Variants in RIPOR3 observed in about 807,000 individuals in gnomAD.
RIPOR3 encodes the protein family with sequence similarity 65 member C.
In RIPOR3, 95 loss-of-function variants were observed where a neutral mutation model predicts 114.3. That is an observed-to-expected ratio of 0.83 (90% confidence interval 0.70 to 0.99). The LOEUF is 0.99. Ranked by LOEUF, RIPOR3 falls within the 50% of genes least tolerant of loss-of-function variation. The pLI, the probability that RIPOR3 is intolerant of heterozygous loss-of-function variation, is 0.00. For missense variants in RIPOR3, 1,252 were observed against 1,266.9 expected (o/e 0.99, Z 0.18); for synonymous variants, 575 against 543.8 (o/e 1.06, Z -0.80).
At position 50,617,864 on chromosome 20, in the gene RIPOR3, C is replaced by T. The variant is rs145581808; in HGVS notation, c.270-1784G>A. 5.5e-3 allele frequency among the ~76,000 whole-genome samples: 833 copies of T among 151,288 alleles called. 7 individuals carry two copies. Among genetic ancestry groups the T allele is most frequent in the African/African-American group, 0.019 (791 of 41,182 alleles). ...GTCTCAAACTCCTGAATTCGTGATC[C>T]GCCTGCCTCCGCCTCCCAAAGTGCT... On this transcript the variant is annotated intron_variant, in intron 3 of 21. Transcript: ENST00000327979.
At position 50,611,199 on chromosome 20, in the gene RIPOR3, G is replaced by T. The variant is rs1218424011; in HGVS notation, c.354C>A (p.Phe118Leu). 1 of 1,614,054 alleles carries T rather than the reference G, an allele frequency of 6.2e-7. No individual in the cohort carries two copies. Among genetic ancestry groups the T allele is most frequent in the Non-Finnish European group, 8.5e-7 (1 of 1,180,038 alleles). Residue 118 changes from phenylalanine to leucine, a missense_variant, in exon 5 of 22, where the codon TTC (phenylalanine) becomes TTA (leucine). Transcript: ENST00000327979. ...KDTRRNSRLA[F>L]YYDLDKQTRC... ...GACTCACCTTGTCCAGGTCATAATA[G>T]AAAGCCTGTGAGGGAGGAAAGGAGG...
At chr20:50,606,163 G>A (rs1189797078) in intron 11 of RIPOR3, among the ~76,000 whole-genome samples, 3 of 152,184 alleles carry the variant, frequency 2.0e-5, no homozygotes, top group Non-Finnish European at 4.4e-5. Flanking sequence ...CCGAGATTGC[G>A]CCATTGCACT....
At position 50,595,418 on chromosome 20, in the gene RIPOR3, AAG is replaced by A; in HGVS notation, c.1999_2000del (p.Leu667PhefsTer4). The A allele has an allele frequency of 6.2e-7, 1 of 1,614,124 alleles. No individual in the cohort carries two copies. The highest frequency in any genetic ancestry group is 8.5e-7 in the Non-Finnish European group (1 of 1,180,008). ...VAQQKHVLET[L>X]SVLDFEKVGK... ...CGACCTTCTCAAAGTCAAGGACAGA[AAG>A]TGTCTCCAGAACGTGCTTTTGCTGT... On this transcript the variant is annotated frameshift_variant, in exon 16 of 22. Coordinates refer to ENST00000327979, the MANE Select transcript of RIPOR3 (RefSeq NM_001290268.2). LOFTEE classifies it high-confidence loss of function.
chr20:50,639,708 T>C (rs1462826983), intron 1 of RIPOR3, among the ~76,000 whole-genome samples: 1 of 152,178 alleles, frequency 6.6e-6, no homozygotes, highest in Non-Finnish European at 1.5e-5. Context: ...AATAAATAAA[T>C]ACAATACAGG....
intron 1 of RIPOR3, among the ~76,000 whole-genome samples, chr20:50,637,626 G>T (rs1283502211): frequency 6.6e-6 from 1 of 152,138 alleles, no homozygotes; most frequent in Non-Finnish European, 1.5e-5. Context: ...TGTAATCCCA[G>T]CACTTTGGGA....
chr20:50,621,175 G>A (rs2084390216), intron 2 of RIPOR3: 11 of 347,714 alleles, frequency 3.2e-5, no homozygotes, highest in South Asian at 2.7e-4. Flanking sequence ...GAACTTACAG[G>A]AAGAAATACA....
In RIPOR3 at chr20:50,586,548, T is replaced by G. The variant is rs888081835; in HGVS notation, c.*684A>C. 6.5e-6 allele frequency: 1 copy of G among 152,788 alleles called. No individual in the cohort carries two copies. The highest frequency in any genetic ancestry group is 1.5e-5 in the Non-Finnish European group (1 of 68,476). 9.5% of individuals were successfully genotyped at this position (152,788 alleles called of 1,614,324 possible). Reference sequence around the variant, plus strand: ...GCTGCTCAGGGCTCCTGGGCTGATGTGGTGGCTTCTTCCCTTTGTGCTGCT... The same window carrying G: ...GCTGCTCAGGGCTCCTGGGCTGATGGGGTGGCTTCTTCCCTTTGTGCTGCT... On this transcript the variant is annotated 3_prime_UTR_variant, in exon 22 of 22. Transcript: ENST00000327979.
At chr20:50,667,547 C>T (rs1351374533) in intron 1 of RIPOR3, among the ~76,000 whole-genome samples, 1 of 152,180 alleles carries the variant, frequency 6.6e-6, no homozygotes, top group African/African-American at 2.4e-5. Context: ...CTGCCTCGGC[C>T]TCCCAAAGTG....
intron 12 of RIPOR3, among the ~76,000 whole-genome samples, chr20:50,604,441 C>T (rs975886645): frequency 1.3e-5 from 2 of 152,214 alleles, no homozygotes; most frequent in African/African-American, 2.4e-5. Context: ...TCCTGAAGAA[C>T]CAGCCAAGCC....
At position 50,597,635 on chromosome 20, in the gene RIPOR3, T is replaced by C; in HGVS notation, c.1735A>G (p.Asn579Asp). Residue 579 changes from asparagine to aspartate, a missense_variant, in exon 14 of 22, where the codon AAT (asparagine) becomes GAT (aspartate). By Grantham distance (23) the Asn-to-Asp change is conservative. Coordinates refer to ENST00000327979, the MANE Select transcript of RIPOR3 (RefSeq NM_001290268.2). ...AGCTCATCCAGGGCGAAGTCGGCAT[T>C]GAGGAAGGCGAAGCTCTCCAGGATG... is the stretch of plus-strand genomic sequence containing the variant. ...ECILESFAFL[N>D]ADFALDELSL... 1 of 1,612,316 alleles carries C rather than the reference T, an allele frequency of 6.2e-7. No individual in the cohort carries two copies. The highest frequency in any genetic ancestry group is 1.1e-5 in the South Asian group (1 of 90,644).
chr20:50,593,259 G>A (rs1331408849), intron 17 of RIPOR3, 63 bp from the exon 18 acceptor site: 1 of 1,556,216 alleles, frequency 6.4e-7, no homozygotes, highest in East Asian at 2.3e-5. Flanking sequence ...CTTCTCAGCT[G>A]GGAGTAGCCT....
chr20:50,682,103 C>T (rs2086879015), intron 1 of RIPOR3, among the ~76,000 whole-genome samples: 1 of 152,186 alleles, frequency 6.6e-6, no homozygotes, highest in Admixed American at 6.6e-5. Flanking sequence ...AGACACACTC[C>T]TGTATGTGTG....
intron 6 of RIPOR3, 70 bp downstream of exon 6, chr20:50,610,783 C>CT (rs1413546199): frequency 1.2e-6 from 2 of 1,605,570 alleles, no homozygotes; most frequent in Non-Finnish European, 1.7e-6. Context: ...CCAGCTCCTG[C>CT]TAACCTAGCT....
intron 12 of RIPOR3, among the ~76,000 whole-genome samples, chr20:50,604,217 A>G (rs1400907094): frequency 1.3e-5 from 2 of 151,994 alleles, no homozygotes; most frequent in Non-Finnish European, 1.5e-5. Context: ...AAAAAGGCGT[A>G]TACACTTGCT....
In RIPOR3 at chr20:50,587,833, C is replaced by G; in HGVS notation, c.2721G>C (p.Arg907=). 3 of 1,614,200 alleles carry G rather than the reference C, an allele frequency of 1.9e-6. No individual in the cohort carries two copies. The highest frequency in any genetic ancestry group is 2.5e-6 in the Non-Finnish European group (3 of 1,180,046). The change falls in exon 21 of 22, where the codon CGG becomes CGC. Residue 907 remains arginine (R), a synonymous_variant. Coordinates refer to ENST00000327979, the MANE Select transcript of RIPOR3 (RefSeq NM_001290268.2). ...ACAGTGTGGTTTCCCGGGCTGCCGCCCGCACGGCCTCCAGGTCAGACTGGC... is the reference window on the plus strand; with the variant it reads ...ACAGTGTGGTTTCCCGGGCTGCCGCGCGCACGGCCTCCAGGTCAGACTGGC... ...SLCQSDLEAV[R]AAARETTLSF...
chr20:50,612,734 A>C (rs180939251), intron 4 of RIPOR3, among the ~76,000 whole-genome samples: 1 of 152,308 alleles, frequency 6.6e-6, no homozygotes, highest in East Asian at 1.9e-4. Context: ...AGAAAGAAGG[A>C]TTCAACCCCA....
chr20:50,657,984 C>G (rs2085871154), intron 1 of RIPOR3, among the ~76,000 whole-genome samples: 1 of 151,812 alleles, frequency 6.6e-6, no homozygotes, highest in South Asian at 2.1e-4. Flanking sequence ...AGGCTGGTCT[C>G]AAACTCCTGG....
intron 1 of RIPOR3, among the ~76,000 whole-genome samples, chr20:50,672,818 C>T (rs34342971): frequency 2.0e-3 from 307 of 152,338 alleles, no homozygotes; most frequent in Non-Finnish European, 2.7e-3. Flanking sequence ...CCCATAGAGG[C>T]GCACACCTGT....
chr20:50,691,230 A>T lies in RIPOR3; in HGVS notation c.-102T>A. 7.8e-7 allele frequency: 1 copy of T among 1,279,214 alleles called. No individual in the cohort carries two copies. The allele number at this position is 1,279,214 out of a possible 1,614,324, so 79.2% of individuals were successfully genotyped here. A position where few individuals can be genotyped will look rare whatever the true frequency, so the allele number is the denominator to read the frequency against. On this transcript the variant is annotated 5_prime_UTR_variant, in exon 1 of 22. Transcript: ENST00000327979. ...AGCGTCTGCTCCCATCTGGCCCGGG[A>T]CTCCCGGACTCGAGCTAGGGCTCTG...
Sources: allele counts gnomAD v4.1 joint callset (sites outside exome capture counted in the v4.1 genomes callset), GRCh38; gene constraint gnomAD v4.1.1; transcripts MANE v1.5; gene names NCBI Gene and HGNC (gene_info 2026-07-23, HGNC 2026-07-21).